RPH3AL: variants seen among roughly 807,000 people sequenced by gnomAD.
RPH3AL encodes the protein rab effector Noc2.
Under a neutral mutation model 43.1 loss-of-function variants are expected in RPH3AL, and 38 were observed. The observed-to-expected ratio is 0.88, with a 90% CI of 0.68 to 1.15. The LOEUF (loss-of-function observed/expected upper bound fraction) is 1.15. Among genes scored for constraint, RPH3AL ranks in the 50% most tolerant of loss-of-function variants. The pLI is 0.00. For missense variants in RPH3AL, 462 were observed against 423.2 expected (o/e 1.09, Z -0.81); for synonymous variants, 189 against 176.3 (o/e 1.07, Z -0.57).
intron 6 of RPH3AL, among the ~76,000 whole-genome samples, chr17:258,195 A>G (rs975268373): frequency 3.3e-5 from 5 of 152,014 alleles, no homozygotes; most frequent in Non-Finnish European, 5.9e-5. Context: ...TTCTGTTTTC[A>G]TCTGTCTCCC....
chr17:298,358 T>C (rs1190189735), intron 5 of RPH3AL, among the ~76,000 whole-genome samples: 1 of 151,886 alleles, frequency 6.6e-6, no homozygotes, highest in East Asian at 1.9e-4. Flanking sequence ...AAAAATACCC[T>C]CTCCCTTCCC....
At chr17:314,330 C>G (rs977335448) in intron 5 of RPH3AL, among the ~76,000 whole-genome samples, 2 of 151,950 alleles carry the variant, frequency 1.3e-5, no homozygotes, top group African/African-American at 4.8e-5. Context: ...GAGGAGGAAG[C>G]ACACTGCCAG....
rs937781381 is a variant in RPH3AL, at chr17:246,270, G to A, written c.613+841C>T. On this transcript the variant is annotated intron_variant, in intron 7 of 9. Transcript: ENST00000331302. This position sits in a 1 kb window ranked among gnomAD's most constrained non-coding sequence, Gnocchi z 4.8. ...CTCCAAGACGAGCCATGATCCGAAC[G>A]AGCCTCCCTCACCCCTCTGCCTGCC... Among the ~76,000 whole-genome samples the A allele has an allele frequency of 2.0e-5, 3 of 151,994 alleles. No individual in the cohort carries two copies. Among genetic ancestry groups the A allele is most frequent in the Non-Finnish European group, 2.9e-5 (2 of 68,004 alleles).
In RPH3AL at chr17:283,078, G is replaced by A. The variant is rs1228432238; in HGVS notation, c.352-1224C>T. On this transcript the variant is annotated intron_variant, in intron 5 of 9. Transcript: ENST00000331302. This position sits in a 1 kb window ranked among gnomAD's most constrained non-coding sequence, Gnocchi z 4.2. ...GGCAGAGTCTGATTCAGCGATCGCT[G>A]GCGACTCCTCAGGACTGTTGCCCCA... Among the ~76,000 whole-genome samples the A allele has an allele frequency of 6.6e-6, 1 of 152,186 alleles. No individual in the cohort carries two copies. The highest frequency in any genetic ancestry group is 1.5e-5 in the Non-Finnish European group (1 of 68,036).
At chr17:315,467 T>C (rs1598095457) in intron 5 of RPH3AL, among the ~76,000 whole-genome samples, 2 of 151,120 alleles carry the variant, frequency 1.3e-5, no homozygotes, top group Non-Finnish European at 2.9e-5. Flanking sequence ...CTGTAGTCCC[T>C]GTGCTCCCAC....
chr17:319,490 T>G lies in RPH3AL; in HGVS notation c.281A>C (p.Gln94Pro). Residue 94 changes from glutamine (Q) to proline (P), a missense_variant, in exon 5 of 10, where the codon CAG becomes CCG. Coordinates refer to ENST00000331302, the MANE Select transcript of RPH3AL (RefSeq NM_006987.4). Reference sequence around the variant, plus strand: ...CAGCACCTCCCCGCAGAGCAGACACTGGGACAGGCCGTTCCCCATCACATT... The same window carrying G: ...CAGCACCTCCCCGCAGAGCAGACACGGGGACAGGCCGTTCCCCATCACATT... ...RRNVMGNGLS[Q>P]CLLCGEVLGF... 6.2e-7 allele frequency: 1 copy of G among 1,612,574 alleles called. No homozygotes were observed. Among genetic ancestry groups the G allele is most frequent in the Non-Finnish European group, 8.5e-7 (1 of 1,179,946 alleles).
chr17:277,983 C>T (rs1035526782), intron 6 of RPH3AL, among the ~76,000 whole-genome samples: 3 of 151,864 alleles, frequency 2.0e-5, no homozygotes, highest in East Asian at 1.9e-4. Flanking sequence ...AAAAAAACCC[C>T]GAAACCCTAA....
intron 5 of RPH3AL, among the ~76,000 whole-genome samples, chr17:313,765 G>T: frequency 6.6e-6 from 1 of 152,080 alleles, no homozygotes; most frequent in Non-Finnish European, 1.5e-5. Flanking sequence ...GCACACAATG[G>T]GCTATTATTT....
chr17:318,055 C>G (rs1211686951), intron 5 of RPH3AL, among the ~76,000 whole-genome samples: 1 of 152,120 alleles, frequency 6.6e-6, no homozygotes, highest in African/African-American at 2.4e-5. Context: ...AATTCCTTCT[C>G]TGTCTTCTTC....
At chr17:304,648 C>G (rs1219454422) in intron 5 of RPH3AL, among the ~76,000 whole-genome samples, 1 of 152,010 alleles carries the variant, frequency 6.6e-6, no homozygotes, top group African/African-American at 2.4e-5. Flanking sequence ...CAGGCCCGAA[C>G]CAGCCGGAGG....
rs770824218 is a variant in RPH3AL at position 283,370 on chromosome 17, C to T, written c.352-1516G>A. Among the ~76,000 whole-genome samples the T allele has an allele frequency of 8.9e-4, 135 of 152,230 alleles. No homozygotes were observed. The highest frequency in any genetic ancestry group is 2.2e-3 in the Admixed American group (33 of 15,296). On this transcript the variant is annotated intron_variant, in intron 5 of 9. Coordinates refer to ENST00000331302, the MANE Select transcript of RPH3AL (RefSeq NM_006987.4). The surrounding 1 kb of genome is among the most constrained non-coding windows in gnomAD (Gnocchi z 4.2). ...GGTGGGGGAGCAAACTCACGGGGGA[C>T]GGAAGCTATGATACATTCCTGCGGG...
chr17:273,471 A>T lies in RPH3AL; in HGVS notation c.438+8297T>A, dbSNP rs868025005. On this transcript the variant is annotated intron_variant, in intron 6 of 9. Transcript: ENST00000331302. ...GACCCCAGCGAGGGCGACGTCAGGG[A>T]GAGACCCCAGCGAGGGCGACGTCGG... 9.6e-5 allele frequency among the ~76,000 whole-genome samples: 7 copies of T among 73,108 alleles called. 1 individual carries two copies. Among genetic ancestry groups the T allele is most frequent in the African/African-American group, 2.5e-4 (6 of 23,864 alleles). The allele number at this position is 73,108 out of a possible 152,430, so 48.0% of individuals were successfully genotyped here. A position where few individuals can be genotyped will look rare whatever the true frequency, so the allele number is the denominator to read the frequency against.
intron 5 of RPH3AL, among the ~76,000 whole-genome samples, chr17:291,179 G>A (rs1420807473): frequency 5.3e-5 from 8 of 152,166 alleles, no homozygotes; most frequent in Admixed American, 1.3e-4. Context: ...TAAGAATGCC[G>A]AAAACAAACA....
At chr17:352,161 G>A (rs982567492) in intron 1 of RPH3AL, among the ~76,000 whole-genome samples, 1 of 152,220 alleles carries the variant, frequency 6.6e-6, no homozygotes, top group Non-Finnish European at 1.5e-5. Flanking sequence ...CCAAATGTGA[G>A]TATCCCAGGG....
chr17:286,835 C>T (rs1040203290), intron 5 of RPH3AL, among the ~76,000 whole-genome samples: 10 of 152,130 alleles, frequency 6.6e-5, no homozygotes, highest in African/African-American at 1.7e-4. Context: ...GAACTGCGTC[C>T]GGGTGTTAAA....
At chr17:236,312 G>T (rs964925799) in intron 7 of RPH3AL, among the ~76,000 whole-genome samples, 1 of 152,180 alleles carries the variant, frequency 6.6e-6, no homozygotes, top group Non-Finnish European at 1.5e-5. Context: ...GCTATTGATC[G>T]AGGAAACCTA....
At chr17:250,272 T>C (rs2041865903) in intron 6 of RPH3AL, among the ~76,000 whole-genome samples, 1 of 117,672 alleles carries the variant, frequency 8.5e-6, no homozygotes, top group South Asian at 2.8e-4. Flanking sequence ...CTGCGGGACC[T>C]CTCAGAGCCT....
At chr17:316,991 TG>T (rs2044261567) in intron 5 of RPH3AL, among the ~76,000 whole-genome samples, 1 of 146,422 alleles carries the variant, frequency 6.8e-6, no homozygotes, top group Non-Finnish European at 1.5e-5. Context: ...GTAGTCCCTG[TG>T]ACCCCACCTC....
At chr17:342,951 A>T (rs2045155159) in intron 1 of RPH3AL, among the ~76,000 whole-genome samples, 1 of 152,232 alleles carries the variant, frequency 6.6e-6, no homozygotes. Flanking sequence ...ATTGTTAGTG[A>T]TGGAATCCAA....
Sources: gnomAD v4.1 joint callset for allele counts (sites outside exome capture counted in the v4.1 genomes callset) on GRCh38, gnomAD v4.1.1 for gene constraint, Gnocchi (gnomAD v3.1) non-coding constraint, MANE v1.5 for transcripts, NCBI Gene and HGNC (gene_info 2026-07-23, HGNC 2026-07-21) for gene names.